PRDM8: variants seen among roughly 807,000 people sequenced by gnomAD.
PRDM8 encodes PR domain zinc finger protein 8.
PRDM8 carries 13 observed loss-of-function variants against 46.5 expected under a neutral mutation model. The observed-to-expected ratio is 0.28, with a 90% CI of 0.18 to 0.44. The LOEUF (loss-of-function observed/expected upper bound fraction) is 0.44, where lower values mean the gene tolerates loss of function less well. PRDM8 is among the 20% of genes least tolerant of loss of function. PRDM8 has a pLI of 1.00. For missense variants in PRDM8, 998 were observed against 955.0 expected (o/e 1.04, Z -0.59); for synonymous variants, 473 against 438.4 (o/e 1.08, Z -0.98).
At chr4:80,198,994 GTTTTTTTTT>G (rs1310531623) in intron 1 of PRDM8, among the ~76,000 whole-genome samples, 3 of 63,506 alleles carry the variant, frequency 4.7e-5, no homozygotes, top group African/African-American at 3.1e-4. Flanking sequence ...TTTTTTTTTT[GTTTTTTTTT>G]TTTTTTTTTT....
At chr4:80,196,333 A>G, upstream of PRDM8, 1 of 985,406 alleles carries the variant, frequency 1.0e-6, no homozygotes, top group Non-Finnish European at 1.2e-6. Context: ...ATACCACTCA[A>G]AGGCCTTTCT....
At chr4:80,187,008 A>C (rs1282281248) in intron 1 of PRDM8, among the ~76,000 whole-genome samples, 1 of 152,186 alleles carries the variant, frequency 6.6e-6, no homozygotes, top group Admixed American at 6.5e-5. Context: ...GGACTTTATC[A>C]TGCTTCGTTG....
At chr4:80,188,069 C>T (rs1409928375) in intron 1 of PRDM8, among the ~76,000 whole-genome samples, 1 of 152,238 alleles carries the variant, frequency 6.6e-6, no homozygotes, top group Non-Finnish European at 1.5e-5. Context: ...TCAGCTTCCA[C>T]AAGGGTCACC....
At chr4:80,199,018 TAGTGATAAGTC>T (rs1738220364) in intron 1 of PRDM8, among the ~76,000 whole-genome samples, 3 of 89,138 alleles carry the variant, frequency 3.4e-5, no homozygotes, top group Admixed American at 1.5e-4. Context: ...TTTTTTTTTT[TAGTGATAAGTC>T]TTGTATGGGG....
intron 2 of PRDM8, among the ~76,000 whole-genome samples, chr4:80,191,947 C>A (rs1276416005): frequency 6.6e-6 from 1 of 152,206 alleles, no homozygotes; most frequent in East Asian, 1.9e-4. Flanking sequence ...AGGTAAATCA[C>A]CACTATTGTG....
chr4:80,189,266 T>A (rs994456613), intron 1 of PRDM8, among the ~76,000 whole-genome samples: 1 of 152,156 alleles, frequency 6.6e-6, no homozygotes, highest in African/African-American at 2.4e-5. Context: ...GACTGACTTA[T>A]CCGCGTTTCT....
In PRDM8 at chr4:80,203,028, G is replaced by A. The variant is rs747339342; in HGVS notation, c.1566G>A (p.Ala522=). 7 of 1,533,538 alleles carry A rather than the reference G, an allele frequency of 4.6e-6. No homozygotes were observed. The highest frequency in any genetic ancestry group is 6.1e-6 in the Non-Finnish European group (7 of 1,149,644). 95.0% of individuals were successfully genotyped at this position (1,533,538 alleles called of 1,614,324 possible). Residue 522 remains alanine (A), a synonymous_variant, in exon 4 of 4, where the codon GCG becomes GCA. Transcript: ENST00000415738. The part of the protein sequence containing the change: ...SPLVLGQKLG[A]LEPCHPADGV... ...TGGTGCTGGGCCAGAAGCTGGGCGC[G>A]CTCGAGCCATGCCACCCCGCCGACG...
At chr4:80,201,885 CGT>C (rs144574979) in intron 3 of PRDM8, 27 bp from the exon 4 acceptor site, 137 of 1,600,710 alleles carry the variant, frequency 8.6e-5, no homozygotes, top group Admixed American at 2.5e-4. Flanking sequence ...TGCGTGCGTG[CGT>C]GTGTGTGGTG....
rs368682315 is a variant in PRDM8, at chr4:80,202,293, C to T, written c.831C>T (p.Cys277=). The T allele has an allele frequency of 1.2e-6, 2 of 1,609,742 alleles. No individual in the cohort carries two copies. The highest frequency in any genetic ancestry group is 1.4e-5 in the African/African-American group (1 of 74,008). Residue 277 remains cysteine, a synonymous_variant, in exon 4 of 4, where the codon TGC becomes TGT. Transcript: ENST00000415738. ...ELENSRGGSS[C]SPAQSLSSGS... is the part of the protein sequence containing the mutation. ...AAAACTCCCGGGGAGGCAGCAGCTGCTCCCCAGCCCAGAGCCTCAGCAGCG... is the reference window on the plus strand; with the variant it reads ...AAAACTCCCGGGGAGGCAGCAGCTGTTCCCCAGCCCAGAGCCTCAGCAGCG...
chr4:80,190,836 C>T (rs1486891854), intron 1 of PRDM8, among the ~76,000 whole-genome samples: 1 of 152,146 alleles, frequency 6.6e-6, no homozygotes, highest in Non-Finnish European at 1.5e-5. Context: ...AAACTCGTTG[C>T]ATTCGGTGCA....
At position 80,199,705 on chromosome 4, in the gene PRDM8, A is replaced by ATG. The variant is rs1321510964; in HGVS notation, c.-2-373_-2-372insGT. On this transcript the variant is annotated intron_variant, in intron 1 of 3. Transcript: ENST00000415738. The stretch of plus-strand genomic sequence containing the variant: ...AAAAATTATATATATGTATATATAT[A>ATG]TATATGTGTGTGTGTGTGTGTGTGT... 7.4e-3 allele frequency among the ~76,000 whole-genome samples: 520 copies of ATG among 70,002 alleles called. 2 individuals carry two copies. Among genetic ancestry groups the ATG allele is most frequent in the African/African-American group, 0.048 (499 of 10,384 alleles). The allele number at this position is 70,002 out of a possible 152,430, so 45.9% of individuals were successfully genotyped here. A position where few individuals can be genotyped will look rare whatever the true frequency, so the allele number is the denominator to read the frequency against.
chr4:80,202,642 C>T lies in PRDM8; in HGVS notation c.1180C>T (p.Arg394Cys), dbSNP rs1738602634. Residue 394 changes from arginine to cysteine, a missense_variant, in exon 4 of 4, where the codon CGC becomes TGC. Arg to Cys is a radical substitution (Grantham distance 180). Transcript: ENST00000415738. ...CTTCGTGGAGGTGAAGAAGGCTGCCCGCGCGGCCAGCCTGCAGGAGGAGGG... is the reference window on the plus strand; with the variant it reads ...CTTCGTGGAGGTGAAGAAGGCTGCCTGCGCGGCCAGCCTGCAGGAGGAGGG... Reference protein sequence around the residue: ...SAFVEVKKAARAASLQEEGTA... With the variant: ...SAFVEVKKAACAASLQEEGTA... 1.3e-6 allele frequency: 2 copies of T among 1,508,034 alleles called. No individual in the cohort carries two copies. Among genetic ancestry groups the T allele is most frequent in the African/African-American group, 1.4e-5 (1 of 70,130 alleles). 93.4% of individuals were successfully genotyped at this position (1,508,034 alleles called of 1,614,324 possible).
At position 80,202,076 on chromosome 4, in the gene PRDM8, G is replaced by A. The variant is rs1210728542; in HGVS notation, c.614G>A (p.Gly205Asp). Residue 205 changes from glycine (G) to aspartate (D), a missense_variant, in exon 4 of 4, where the codon GGC becomes GAC. Gly to Asp is a moderately conservative substitution (Grantham distance 94). Transcript: ENST00000415738. ...GTGGGCACCAAGGACCACGGGGGCGGCGGCGGCGGTGGCAAAGACCAGCAG... is the reference window on the plus strand; with the variant it reads ...GTGGGCACCAAGGACCACGGGGGCGACGGCGGCGGTGGCAAAGACCAGCAG... ...GGVGTKDHGG[G>D]GGGGKDQQQQ... 6.2e-7 allele frequency: 1 copy of A among 1,613,624 alleles called. No individual in the cohort carries two copies. Among genetic ancestry groups the A allele is most frequent in the South Asian group, 1.1e-5 (1 of 91,060 alleles).
chr4:80,197,674 C>A lies in PRDM8; in HGVS notation c.-92C>A, dbSNP rs1738069000. The stretch of plus-strand genomic sequence containing the variant: ...CAACACCTCTTGACATGGAAATACA[C>A]TGATACAATAGGCAAAAGGAAACAC... On this transcript the variant is annotated 5_prime_UTR_variant, in exon 1 of 4. The change creates a new upstream start codon in the 5' untranslated region. Transcript: ENST00000415738. 2 of 984,010 alleles carry A rather than the reference C, an allele frequency of 2.0e-6. No homozygotes were observed. Among genetic ancestry groups the A allele is most frequent in the African/African-American group, 1.8e-5 (1 of 57,088 alleles). 61.0% of individuals were successfully genotyped at this position (984,010 alleles called of 1,614,324 possible).
intron 1 of PRDM8, among the ~76,000 whole-genome samples, chr4:80,191,232 C>A (rs1403847761): frequency 6.6e-5 from 10 of 152,312 alleles, no homozygotes; most frequent in Non-Finnish European, 8.8e-5. Flanking sequence ...AACACACACC[C>A]ATACCCATAT....
chr4:80,194,300 G>A (rs989476175), upstream of PRDM8: 11 of 833,564 alleles, frequency 1.3e-5, no homozygotes, highest in South Asian at 3.3e-4. Context: ...TAAAATCCTA[G>A]GGAAGAGAGC....
At chr4:80,196,901 C>T, upstream of PRDM8, 1 of 985,368 alleles carries the variant, frequency 1.0e-6, no homozygotes, top group African/African-American at 1.7e-5. Context: ...AACCTCATCT[C>T]CCAAGCCACG....
In PRDM8 at chr4:80,203,242, G is replaced by A. The variant is rs776357035; in HGVS notation, c.1780G>A (p.Ala594Thr). 3.2e-6 allele frequency: 5 copies of A among 1,555,582 alleles called. No individual in the cohort carries two copies. The highest frequency in any genetic ancestry group is 8.7e-7 in the Non-Finnish European group (1 of 1,152,780). Residue 594 changes from alanine (A) to threonine (T), a missense_variant, in exon 4 of 4, where the codon GCG (alanine) becomes ACG (threonine). Ala to Thr is a moderately conservative substitution (Grantham distance 58). Coordinates refer to ENST00000415738, the MANE Select transcript of PRDM8 (RefSeq NM_001099403.2). Reference sequence around the variant, plus strand: ...CTCCGCTGCCGCTGCAGCCGCGGCTGCGGCGGCGGCCGCGGGGCCCTTGCA... The same window carrying A: ...CTCCGCTGCCGCTGCAGCCGCGGCTACGGCGGCGGCCGCGGGGCCCTTGCA... ...KSSAAAAAAA[A>T]AAAAGPLQLQ...
upstream of PRDM8, among the ~76,000 whole-genome samples, chr4:80,192,659 A>G (rs558773265): frequency 1.3e-5 from 2 of 152,290 alleles, no homozygotes; most frequent in South Asian, 2.1e-4. Context: ...AGATTTGACA[A>G]AAATCCAAGC....
Sources: allele counts gnomAD v4.1 joint callset (sites outside exome capture counted in the v4.1 genomes callset), GRCh38; gene constraint gnomAD v4.1.1; transcripts MANE v1.5; gene names NCBI Gene and HGNC (gene_info 2026-07-23, HGNC 2026-07-21).